Variants in STAC3 observed in about 807,000 individuals in gnomAD.
The protein encoded by STAC3 is SH3 and cysteine-rich domain-containing protein 3.
Under a neutral mutation model 48.5 loss-of-function variants are expected in STAC3, and 30 were observed. The observed-to-expected ratio is 0.62, with a 90% CI of 0.46 to 0.84. STAC3 has a LOEUF of 0.84. Ranked by LOEUF, STAC3 falls within the 40% of genes least tolerant of loss-of-function variation. The pLI, the probability that STAC3 is intolerant of heterozygous loss-of-function variation, is 0.00. For synonymous variants in STAC3, 144 were observed against 158.6 expected, an observed-to-expected ratio of 0.91 and a Z score of 0.69; for missense variants, 419 against 462.6, an observed-to-expected ratio of 0.91 and a Z score of 0.86.
chr12:57,244,380 G>C lies in STAC3; in HGVS notation c.807-14C>G. ...TTCTCTCCTGGCCTGGGAGGGGAAG[G>C]GAGGGGCCTCACTCACATAGCAGGT... is the stretch of plus-strand genomic sequence containing the variant. On this transcript the variant is annotated splice_polypyrimidine_tract_variant and intron_variant, in intron 9 of 11. Coordinates refer to ENST00000332782, the MANE Select transcript of STAC3 (RefSeq NM_145064.3). 1 of 1,614,082 alleles carries C rather than the reference G, an allele frequency of 6.2e-7. No homozygotes were observed.
At chr12:57,248,910 CAA>C (rs2037831270) in intron 3 of STAC3, 107 bp from the exon 4 acceptor site, 6 of 1,535,172 alleles carry the variant, frequency 3.9e-6, no homozygotes, top group Non-Finnish European at 5.4e-6. Context: ...CCTACTTGCT[CAA>C]TCTCTAATAG....
At position 57,243,685 on chromosome 12, in the gene STAC3, G is replaced by A; in HGVS notation, c.*127C>T. 1 of 869,610 alleles carries A rather than the reference G, an allele frequency of 1.1e-6. No homozygotes were observed. The highest frequency in any genetic ancestry group is 1.9e-6 in the Non-Finnish European group (1 of 527,688). The allele number at this position is 869,610 out of a possible 1,614,324, so 53.9% of individuals were successfully genotyped here. Reference sequence around the variant, plus strand: ...CCAGTCCCTTCCCGGAAGCCCCGTCGCGCTCAGGCGGGCCTTCCTACCCCT... The same window carrying A: ...CCAGTCCCTTCCCGGAAGCCCCGTCACGCTCAGGCGGGCCTTCCTACCCCT... On this transcript the variant is annotated 3_prime_UTR_variant, in exon 12 of 12. Transcript: ENST00000332782.
Position 57,251,095 on chromosome 12 carries a change from TA to T in STAC3, c.-105del. 2 of 449,258 alleles carry T rather than the reference TA, an allele frequency of 4.5e-6. No homozygotes were observed. The highest frequency in any genetic ancestry group is 9.0e-6 in the Non-Finnish European group (2 of 223,438). The allele number at this position is 449,258 out of a possible 1,614,324, so 27.8% of individuals were successfully genotyped here. On this transcript the variant is annotated 5_prime_UTR_variant, in exon 1 of 12. Coordinates refer to ENST00000332782, the MANE Select transcript of STAC3 (RefSeq NM_145064.3). ...AAAACTGGTCCTCTTCCTTGGGGGC[TA>T]AGCCCCCCCAGTACCCCCTGTGTTC...
rs374655952 is a variant in STAC3, at chr12:57,245,375, C to CTTT, written c.604-167_604-165dup. 0.011 allele frequency among the ~76,000 whole-genome samples: 1,613 copies of CTTT among 144,008 alleles called. 28 individuals are homozygous for CTTT. The highest frequency in any genetic ancestry group is 0.039 in the African/African-American group (1,512 of 38,904). The allele number at this position is 144,008 out of a possible 152,430, so 94.5% of individuals were successfully genotyped here. A position where few individuals can be genotyped will look rare whatever the true frequency, so the allele number is the denominator to read the frequency against. The stretch of plus-strand genomic sequence containing the variant: ...TTCAGCCATCTGCCTAATGCAGGAA[C>CTTT]TTTTTTTTTTTTTTTGAGACGGGTC... On this transcript the variant is annotated intron_variant, in intron 6 of 11. Transcript: ENST00000332782.
At position 57,243,555 on chromosome 12, in the gene STAC3, A is replaced by C; in HGVS notation, c.*257T>G. ...CAGTCCCTGGCTCCTCCTAGTAGAT[A>C]CGCGTTTTTTTCCAGCTCTTGCAAG... On this transcript the variant is annotated 3_prime_UTR_variant, in exon 12 of 12. Transcript: ENST00000332782. 1.1e-5 allele frequency: 5 copies of C among 438,994 alleles called. No individual in the cohort carries two copies. The highest frequency in any genetic ancestry group is 1.5e-4 in the East Asian group (2 of 13,028). 27.2% of individuals were successfully genotyped at this position (438,994 alleles called of 1,614,324 possible). A position where few individuals can be genotyped will look rare whatever the true frequency, so the allele number is the denominator to read the frequency against.
Position 57,251,144 on chromosome 12 carries a change from T to G in STAC3, c.-153A>C, listed in dbSNP as rs964198045. The G allele has an allele frequency of 2.2e-6, 1 of 454,592 alleles. No homozygotes were observed. Among genetic ancestry groups the G allele is most frequent in the Non-Finnish European group, 4.4e-6 (1 of 226,688 alleles). 28.2% of individuals were successfully genotyped at this position (454,592 alleles called of 1,614,324 possible). A position where few individuals can be genotyped will look rare whatever the true frequency, so the allele number is the denominator to read the frequency against. On this transcript the variant is annotated 5_prime_UTR_variant, in exon 1 of 12. Coordinates refer to ENST00000332782, the MANE Select transcript of STAC3 (RefSeq NM_145064.3). ...TTCACACCAGCTACCCAGTCGCTAT[T>G]TGTAGACCTCCTAGCCTCCTGCCTT...
rs374655952 is a variant in STAC3 at position 57,245,375 on chromosome 12, CT to C, written c.604-165del. Among the ~76,000 whole-genome samples the C allele has an allele frequency of 2.9e-3, 413 of 143,694 alleles. No individual in the cohort carries two copies. Among genetic ancestry groups the C allele is most frequent in the Middle Eastern group, 0.011 (3 of 278 alleles). The allele number at this position is 143,694 out of a possible 152,430, so 94.3% of individuals were successfully genotyped here. A position where few individuals can be genotyped will look rare whatever the true frequency, so the allele number is the denominator to read the frequency against. ...TTCAGCCATCTGCCTAATGCAGGAA[CT>C]TTTTTTTTTTTTTTGAGACGGGTCT... On this transcript the variant is annotated intron_variant, in intron 6 of 11. Transcript: ENST00000332782.
In STAC3 at chr12:57,248,188, A is replaced by T. The variant is rs1330197489; in HGVS notation, c.443T>A (p.Phe148Tyr). ...GAGTGGGGAACTATAGGCCCGATGGAAACCAGGTGGCTGTAGGATGGGATG... is the reference window on the plus strand; with the variant it reads ...GAGTGGGGAACTATAGGCCCGATGGTAACCAGGTGGCTGTAGGATGGGATG... ...QRCFGKIPPG[F>Y]HRAYSSPLYS... The change falls in exon 5 of 12, where the codon TTC becomes TAC. Residue 148 changes from phenylalanine to tyrosine, a missense_variant. Transcript: ENST00000332782. 2.5e-6 allele frequency: 4 copies of T among 1,613,986 alleles called. No individual in the cohort carries two copies. In the Middle Eastern group the frequency reaches 5.0e-4, roughly 200 times the overall value.
rs887679207 is a variant in STAC3, at chr12:57,244,284, A to C, written c.858+31T>G. ...ATGTCGGGTTCTGGACTCAACCCAC[A>C]CTCCACCCTAGCCCTAGCCATTTCT... On this transcript the variant is annotated intron_variant, in intron 10 of 11. Coordinates refer to ENST00000332782, the MANE Select transcript of STAC3 (RefSeq NM_145064.3). The C allele has an allele frequency of 2.1e-5, 34 of 1,611,960 alleles. No homozygotes were observed. The Admixed American group carries it at 3.5e-4, about 17-fold the overall frequency.
chr12:57,246,538 G>T (rs191713636), intron 6 of STAC3, among the ~76,000 whole-genome samples: 1 of 152,004 alleles, frequency 6.6e-6, no homozygotes, highest in Admixed American at 6.6e-5. Flanking sequence ...ACCACACCCG[G>T]ATTTTTTATT....
intron 4 of STAC3, chr12:57,248,420 C>CGG: frequency 1.7e-6 from 1 of 574,008 alleles, no homozygotes; most frequent in Admixed American, 3.0e-5. Flanking sequence ...GCTCTGTCAC[C>CGG]CAGGCTGGAG....
rs1296777138 is a variant in STAC3, at chr12:57,246,817, G to A, written c.590C>T (p.Ala197Val). ...MANKERKKGQ[A>V]DKKNPVAAMM... ...TACAGTGCTCACATTTTTCTTATCT[G>A]CCTGTCCCTTCTTCCGTTCCTTGTT... is the stretch of plus-strand genomic sequence containing the variant. The change falls in exon 6 of 12, where the codon GCA becomes GTA. Residue 197 changes from alanine to valine, a missense_variant. Ala to Val is a moderately conservative substitution (Grantham distance 64). Transcript: ENST00000332782. The A allele has an allele frequency of 6.2e-7, 1 of 1,613,832 alleles. No individual in the cohort carries two copies. Among genetic ancestry groups the A allele is most frequent in the East Asian group, 2.2e-5 (1 of 44,882 alleles).
In STAC3 at chr12:57,248,677, C is replaced by T. The variant is rs537210046; in HGVS notation, c.432+29G>A. The T allele has an allele frequency of 1.0e-5, 16 of 1,588,600 alleles. No homozygotes were observed. The South Asian group carries it at 1.2e-4, about 12-fold the overall frequency. ...CGTGAGCCACCACGCGTGGCCATGT[C>T]CCCTCCTTGCTCTCCACAGCCTACT... On this transcript the variant is annotated intron_variant, in intron 4 of 11. Transcript: ENST00000332782.
rs751934969 is a variant in STAC3, at chr12:57,246,779, C to T, written c.603+25G>A. ...TGCTCCATGGGATCTCTGGGAGGGA[C>T]CTCGTGGGGAGGTACAGTGCTCACA... On this transcript the variant is annotated intron_variant, in intron 6 of 11. Transcript: ENST00000332782. 5.0e-6 allele frequency: 8 copies of T among 1,600,328 alleles called. No individual in the cohort carries two copies. In the South Asian group the frequency reaches 6.6e-5, roughly 13 times the overall value.
At chr12:57,248,009 G>A (rs1184197544) in intron 5 of STAC3, 117 bp downstream of exon 5, 16 of 929,026 alleles carry the variant, frequency 1.7e-5, no homozygotes, top group Non-Finnish European at 2.0e-5. Flanking sequence ...GTGAGGTTGA[G>A]GGAGAATTAT....
In STAC3 at chr12:57,249,375, G is replaced by A. The variant is rs968220852; in HGVS notation, c.67-67C>T. 77 of 1,521,652 alleles carry A rather than the reference G, an allele frequency of 5.1e-5. 1 individual carries two copies. The highest frequency in any genetic ancestry group is 4.7e-4 in the African/African-American group (34 of 72,024). 94.3% of individuals were successfully genotyped at this position (1,521,652 alleles called of 1,614,324 possible). A position where few individuals can be genotyped will look rare whatever the true frequency, so the allele number is the denominator to read the frequency against. On this transcript the variant is annotated intron_variant, in intron 2 of 11. Coordinates refer to ENST00000332782, the MANE Select transcript of STAC3 (RefSeq NM_145064.3). ...GTCACCCTCTCTAGAGTAGGGGGGC[G>A]CTAGAGCAAACTAGACAGTTTTCTA...
intron 6 of STAC3, 97 bp downstream of exon 6, chr12:57,246,707 G>A: frequency 8.5e-7 from 1 of 1,177,546 alleles, no homozygotes. Flanking sequence ...AATTTTAGGG[G>A]AAGACAATCC....
chr12:57,248,307 G>C lies in STAC3; in HGVS notation c.433-109C>G. 3 of 911,652 alleles carry C rather than the reference G, an allele frequency of 3.3e-6. No individual in the cohort carries two copies. The South Asian group carries it at 4.0e-5, about 12-fold the overall frequency. The allele number at this position is 911,652 out of a possible 1,614,324, so 56.5% of individuals were successfully genotyped here. On this transcript the variant is annotated intron_variant, in intron 4 of 11. Transcript: ENST00000332782. ...TCAGAAAAAGAGATGGGCTGAGAAA[G>C]AAAAAGCAGAGAAATGAATGGGATG...
rs764937129 is a variant in STAC3, at chr12:57,244,642, A to G, written c.721-20T>C. The G allele has an allele frequency of 6.2e-7, 1 of 1,614,044 alleles. No homozygotes were observed. On this transcript the variant is annotated intron_variant, in intron 8 of 11. Transcript: ENST00000332782. ...CTTGTGCTGGGGGTGCAAGGGAATG[A>G]TGAGTCTTAGGGCTCCTCTACCCCA...
Sources: allele counts gnomAD v4.1 joint callset (sites outside exome capture counted in the v4.1 genomes callset), GRCh38; gene constraint gnomAD v4.1.1; transcripts MANE v1.5; gene names NCBI Gene and HGNC (gene_info 2026-07-23, HGNC 2026-07-21).